Variants in NTN1 observed in about 807,000 individuals in gnomAD.
NTN1 encodes netrin 1.
In NTN1, 11 loss-of-function variants were observed where a neutral mutation model predicts 54.2. The observed-to-expected ratio is 0.20, with a 90% CI of 0.13 to 0.34. The LOEUF is 0.34. Ranked by LOEUF, NTN1 falls within the 10% of genes least tolerant of loss-of-function variation. NTN1 has a pLI of 1.00. For missense variants in NTN1, 740 were observed against 893.1 expected, an observed-to-expected ratio of 0.83 and a Z score of 2.18; for synonymous variants, 371 against 382.0, an observed-to-expected ratio of 0.97 and a Z score of 0.33.
At chr17:9,173,435 T>C (rs2092392567) in intron 3 of NTN1, 1 of 152,518 alleles carries the variant, frequency 6.6e-6, no homozygotes, top group South Asian at 2.1e-4. Flanking sequence ...AGCCTCTGGA[T>C]CCTGCTTTTC....
chr17:9,162,761 C>T, intron 2 of NTN1, 52 bp from the exon 3 acceptor site: 1 of 1,538,994 alleles, frequency 6.5e-7, no homozygotes. Context: ...TCTTGGGTGC[C>T]TGTCCTCCCC....
chr17:9,197,384 C>T (rs1292440290), intron 5 of NTN1, among the ~76,000 whole-genome samples: 4 of 152,100 alleles, frequency 2.6e-5, no homozygotes, highest in Admixed American at 6.5e-5. Flanking sequence ...GTGGGCCAGG[C>T]GTGGTGGCTC....
chr17:9,126,293 G>A (rs951353922), intron 2 of NTN1, among the ~76,000 whole-genome samples: 1 of 152,236 alleles, frequency 6.6e-6, no homozygotes, highest in Non-Finnish European at 1.5e-5. Flanking sequence ...TAGATCACCT[G>A]AGGTCAGGAG....
chr17:9,117,012 G>A (rs1198713257), intron 2 of NTN1, among the ~76,000 whole-genome samples: 1 of 152,182 alleles, frequency 6.6e-6, no homozygotes, highest in Non-Finnish European at 1.5e-5. Context: ...CCCTGAATGA[G>A]GGGGGTGGGA....
intron 2 of NTN1, among the ~76,000 whole-genome samples, chr17:9,026,466 C>T (rs1709292841): frequency 6.6e-6 from 1 of 151,990 alleles, no homozygotes. Context: ...CTTGACAGCT[C>T]TCAGTGGAAT....
At chr17:9,191,947 C>T (rs1048996736) in intron 5 of NTN1, among the ~76,000 whole-genome samples, 3 of 146,240 alleles carry the variant, frequency 2.1e-5, no homozygotes, top group African/African-American at 7.7e-5. Context: ...TGCACGGCAG[C>T]GTGGGTGACA....
At chr17:9,209,318 G>A (rs1296131465) in intron 5 of NTN1, among the ~76,000 whole-genome samples, 1 of 152,184 alleles carries the variant, frequency 6.6e-6, no homozygotes, top group Non-Finnish European at 1.5e-5. Context: ...TCATGGCCAC[G>A]GTGAGCTGCA....
chr17:9,243,845 T>TGACA lies in NTN1; in HGVS notation c.*3878_*3881dup, dbSNP rs1906315813. 2 of 138,972 alleles carry TGACA rather than the reference T, an allele frequency of 1.4e-5. No homozygotes were observed. The highest frequency in any genetic ancestry group is 5.3e-5 in the African/African-American group (2 of 37,532). The allele number at this position is 138,972 out of a possible 1,614,324, so 8.6% of individuals were successfully genotyped here. On this transcript the variant is annotated 3_prime_UTR_variant, in exon 7 of 7. Coordinates refer to ENST00000173229, the MANE Select transcript of NTN1 (RefSeq NM_004822.3). ...GGTTATTATATATGAATATATTTAA[T>TGACA]GACATGGAAAAAGTTGTGGATTTTC...
At chr17:9,173,356 C>T (rs1264809343) in intron 3 of NTN1, 2 of 152,300 alleles carry the variant, frequency 1.3e-5, no homozygotes, top group Non-Finnish European at 1.5e-5. Context: ...CCAGTGTCAC[C>T]TCTAGTGAGG....
At chr17:9,120,203 T>C (rs1011673476) in intron 2 of NTN1, among the ~76,000 whole-genome samples, 12 of 149,800 alleles carry the variant, frequency 8.0e-5, no homozygotes, top group Non-Finnish European at 1.8e-4. Context: ...GAGAATGGCA[T>C]GAACCCGGGA....
intron 6 of NTN1, among the ~76,000 whole-genome samples, chr17:9,231,654 C>T (rs73264053): frequency 0.014 from 2,117 of 150,024 alleles, 41 homozygotes; most frequent in African/African-American, 0.049. Flanking sequence ...CTGGAGGTGG[C>T]ACCTTGGTGG....
chr17:9,106,739 T>C (rs2092168554), intron 2 of NTN1, among the ~76,000 whole-genome samples: 1 of 152,136 alleles, frequency 6.6e-6, no homozygotes, highest in Non-Finnish European at 1.5e-5. Flanking sequence ...GGTCTCGAAC[T>C]CCTGACCTCA....
chr17:9,116,699 T>C (rs2092213943), intron 2 of NTN1, among the ~76,000 whole-genome samples: 1 of 152,164 alleles, frequency 6.6e-6, no homozygotes, highest in African/African-American at 2.4e-5. Flanking sequence ...TCCAATTGCC[T>C]CTCAGTACAG....
chr17:9,036,087 T>C (rs929588063), intron 2 of NTN1, among the ~76,000 whole-genome samples: 20 of 152,296 alleles, frequency 1.3e-4, no homozygotes, highest in African/African-American at 4.6e-4. Flanking sequence ...TCTTGAATTC[T>C]TGGGCTCAAG....
chr17:9,068,269 C>T (rs1051523218), intron 2 of NTN1, among the ~76,000 whole-genome samples: 1 of 152,046 alleles, frequency 6.6e-6, no homozygotes, highest in African/African-American at 2.4e-5. Flanking sequence ...GCAGCCTTGA[C>T]CTCCCAGGCT....
intron 2 of NTN1, among the ~76,000 whole-genome samples, chr17:9,075,830 A>G (rs72809982): frequency 7.3e-6 from 1 of 136,970 alleles, no homozygotes; most frequent in Non-Finnish European, 1.6e-5. Context: ...CCCCAGGGGG[A>G]AAATACCCCG....
intron 5 of NTN1, among the ~76,000 whole-genome samples, chr17:9,215,269 AC>A (rs1160247401): frequency 4.0e-5 from 6 of 148,272 alleles, no homozygotes; most frequent in African/African-American, 7.3e-5. Context: ...ACACACACAC[AC>A]ACACACACAC....
chr17:9,195,003 T>C (rs990986081), intron 5 of NTN1, among the ~76,000 whole-genome samples: 1 of 152,230 alleles, frequency 6.6e-6, no homozygotes, highest in African/African-American at 2.4e-5. Flanking sequence ...CCCTCTCTTC[T>C]TTCTCACTCT....
intron 2 of NTN1, among the ~76,000 whole-genome samples, chr17:9,137,124 C>T (rs2092283634): frequency 6.6e-6 from 1 of 152,200 alleles, no homozygotes; most frequent in African/African-American, 2.4e-5. Flanking sequence ...AATGACCCCT[C>T]CTCCATGAAG....
Sources: allele counts gnomAD v4.1 joint callset (sites outside exome capture counted in the v4.1 genomes callset), GRCh38; gene constraint gnomAD v4.1.1; transcripts MANE v1.5; gene names NCBI Gene and HGNC (gene_info 2026-07-23, HGNC 2026-07-21).